The following APAF1 variants were observed in gnomAD, a reference collection of about 807,000 sequenced individuals.
APAF1 encodes apoptotic peptidase activating factor 1, also known as apoptotic protease-activating factor 1.
Under a neutral mutation model 152.4 loss-of-function variants are expected in APAF1, and 91 were observed. That is an observed-to-expected ratio of 0.60 (90% CI 0.50 to 0.71). APAF1 has a LOEUF of 0.71. Among genes scored for constraint, APAF1 ranks in the 30% least tolerant of loss-of-function variants. The probability of loss-of-function intolerance (pLI) is 0.00; values close to 1 mark genes in which losing one functional copy is unlikely to be tolerated. For synonymous variants in APAF1, 484 were observed against 494.1 expected (o/e 0.98, Z 0.27); for missense variants, 1,283 against 1,472.0 (o/e 0.87, Z 2.10).
intron 7 of APAF1, among the ~76,000 whole-genome samples, chr12:98,665,278 A>ATATATATATATATTT (rs1491316422): frequency 1.8e-4 from 12 of 65,988 alleles, no homozygotes; most frequent in African/African-American, 6.8e-4. Context: ...ATATATATAT[A>ATATATATATATATTT]TTTTTTTTTT....
chr12:98,648,962 AT>A, intron 3 of APAF1, 147 bp downstream of exon 3: 2 of 870,574 alleles, frequency 2.3e-6, no homozygotes, highest in South Asian at 2.8e-5. Flanking sequence ...CAATTTAAAT[AT>A]TTTTTATTTG....
chr12:98,705,588 T>C (rs2097720528), intron 18 of APAF1, among the ~76,000 whole-genome samples: 1 of 152,200 alleles, frequency 6.6e-6, no homozygotes, highest in Non-Finnish European at 1.5e-5. Flanking sequence ...ATTTAAAGTG[T>C]AATGAGAGGA....
chr12:98,689,569 C>T (rs1472075183), intron 16 of APAF1, among the ~76,000 whole-genome samples: 1 of 152,012 alleles, frequency 6.6e-6, no homozygotes, highest in African/African-American at 2.4e-5. Context: ...AAGTGATCCT[C>T]CTGCCTCAAC....
At chr12:98,665,979 A>G in intron 8 of APAF1, among the ~76,000 whole-genome samples, 188 bp downstream of exon 8, 1 of 152,106 alleles carries the variant, frequency 6.6e-6, no homozygotes, top group Non-Finnish European at 1.5e-5. Flanking sequence ...TCAGGAGTTA[A>G]CCTATTTCTG....
chr12:98,662,473 A>G lies in APAF1; in HGVS notation c.728A>G (p.Asp243Gly). Residue 243 changes from aspartate (D) to glycine (G), a missense_variant, in exon 6 of 27, where the codon GAT becomes GGT. By Grantham distance (94) the Asp-to-Gly change is moderately conservative. Coordinates refer to ENST00000551964, the MANE Select transcript of APAF1 (RefSeq NM_181861.2). ...RKHPRSLLIL[D>G]DVWDSWVLKA... ...TAAATTAGGTCTCTCTTGATCTTGG[A>G]TGATGTTTGGGACTCTTGGGTGTTG... 1.2e-6 allele frequency: 2 copies of G among 1,612,714 alleles called. No individual in the cohort carries two copies. Among genetic ancestry groups the G allele is most frequent in the Non-Finnish European group, 1.7e-6 (2 of 1,179,032 alleles).
intron 12 of APAF1, among the ~76,000 whole-genome samples, chr12:98,672,081 A>G (rs527708627): frequency 6.6e-6 from 1 of 152,310 alleles, no homozygotes; most frequent in Admixed American, 6.5e-5. Flanking sequence ...ACTTTGAACA[A>G]GTTACAGGTT....
chr12:98,718,170 A>G (rs529631318), intron 22 of APAF1, among the ~76,000 whole-genome samples: 22 of 152,174 alleles, frequency 1.4e-4, no homozygotes, highest in African/African-American at 5.1e-4. Context: ...CTGTCTGTCT[A>G]CTTTCTTCCT....
At position 98,722,905 on chromosome 12, in the gene APAF1, G is replaced by GTT. The variant is rs527747561; in HGVS notation, c.3085-278_3085-277dup. 1.8e-3 allele frequency among the ~76,000 whole-genome samples: 262 copies of GTT among 146,650 alleles called. 1 individual carries two copies. The highest frequency in any genetic ancestry group is 6.0e-3 in the African/African-American group (243 of 40,208). Reference sequence around the variant, plus strand: ...TGGTGAGCTCACTGGCATATTGTGTGTTTTTTTTTTTCTATCTTCTGGTAT... The same window carrying GTT: ...TGGTGAGCTCACTGGCATATTGTGTGTTTTTTTTTTTTTCTATCTTCTGGTAT... On this transcript the variant is annotated intron_variant, in intron 22 of 26. Coordinates refer to ENST00000551964, the MANE Select transcript of APAF1 (RefSeq NM_181861.2).
At chr12:98,704,333 T>A (rs915410916) in intron 18 of APAF1, among the ~76,000 whole-genome samples, 1 of 152,222 alleles carries the variant, frequency 6.6e-6, no homozygotes, top group Non-Finnish European at 1.5e-5. Context: ...CACCAGGTAG[T>A]TTGAAACCCC....
intron 4 of APAF1, among the ~76,000 whole-genome samples, chr12:98,652,763 A>G (rs936545759): frequency 5.3e-5 from 8 of 151,994 alleles, no homozygotes; most frequent in African/African-American, 1.7e-4. Context: ...AGTAGCTGGG[A>G]TTACAGGCAC....
chr12:98,663,224 A>G (rs2097667827), intron 7 of APAF1, among the ~76,000 whole-genome samples: 1 of 152,192 alleles, frequency 6.6e-6, no homozygotes, highest in South Asian at 2.1e-4. Flanking sequence ...TTTATTGAAT[A>G]CGTTTTAAGA....
At chr12:98,704,297 G>A (rs1433770713) in intron 18 of APAF1, among the ~76,000 whole-genome samples, 1 of 152,096 alleles carries the variant, frequency 6.6e-6, no homozygotes, top group Non-Finnish European at 1.5e-5. Context: ...GGCTTTCTTA[G>A]TCTTCATTCC....
chr12:98,686,681 A>G lies in APAF1; in HGVS notation c.2179-67A>G, dbSNP rs2097698351. 7 of 1,481,748 alleles carry G rather than the reference A, an allele frequency of 4.7e-6. No homozygotes were observed. In the East Asian group the frequency reaches 1.4e-4, roughly 29 times the overall value. 91.8% of individuals were successfully genotyped at this position (1,481,748 alleles called of 1,614,324 possible). On this transcript the variant is annotated intron_variant, in intron 15 of 26. Transcript: ENST00000551964. Reference sequence around the variant, plus strand: ...TAAATGAGAGAAAAGGAAGAACTTCACATGATTTCTGATGTTTCCCCACTC... The same window carrying G: ...TAAATGAGAGAAAAGGAAGAACTTCGCATGATTTCTGATGTTTCCCCACTC...
At chr12:98,702,840 T>C (rs2097717080) in intron 17 of APAF1, among the ~76,000 whole-genome samples, 1 of 119,254 alleles carries the variant, frequency 8.4e-6, no homozygotes, top group African/African-American at 3.7e-5. Context: ...GAAGTCTGTC[T>C]CAAAAAAAAA....
At chr12:98,689,435 TGAGAGAGAGAGAGAGAGA>T (rs10562439) in intron 16 of APAF1, among the ~76,000 whole-genome samples, 1 of 147,334 alleles carries the variant, frequency 6.8e-6, no homozygotes, top group African/African-American at 2.5e-5. Context: ...TGTGTGAGGG[TGAGAGAGAGAGAGAGAGA>T]GAGAGAGAGA....
intron 25 of APAF1, 41 bp from the exon 26 acceptor site, chr12:98,727,132 T>C: frequency 6.2e-7 from 1 of 1,603,174 alleles, no homozygotes. Flanking sequence ...GAGAAGCTTC[T>C]GGATAACTCT....
Position 98,723,246 on chromosome 12 carries a change from A to G in APAF1, c.3138A>G (p.Thr1046=). 1 of 1,613,454 alleles carries G rather than the reference A, an allele frequency of 6.2e-7. No individual in the cohort carries two copies. Among genetic ancestry groups the G allele is most frequent in the East Asian group, 2.2e-5 (1 of 44,832 alleles). Residue 1046 remains threonine (T), a synonymous_variant, in exon 23 of 27, where the codon ACA becomes ACG. Transcript: ENST00000551964. The stretch of plus-strand genomic sequence containing the variant: ...TCTTTCTACGAGGCCATCAGGAAAC[A>G]GTGAAAGACTTTAGACTCTTGAAAA... ...KCIFLRGHQE[T]VKDFRLLKNS...
At chr12:98,678,569 TC>T (rs1347237873) in intron 13 of APAF1, among the ~76,000 whole-genome samples, 3 of 152,222 alleles carry the variant, frequency 2.0e-5, no homozygotes, top group Non-Finnish European at 4.4e-5. Context: ...GGCCTCCGGC[TC>T]CACAGAGCAG....
intron 4 of APAF1, among the ~76,000 whole-genome samples, chr12:98,652,046 C>T (rs142416419): frequency 1.5e-3 from 228 of 152,258 alleles, no homozygotes; most frequent in African/African-American, 5.0e-3. Context: ...AACTCCTGAG[C>T]TCAAGCAATT....
Sources: allele counts gnomAD v4.1 joint callset (sites outside exome capture counted in the v4.1 genomes callset), GRCh38; gene constraint gnomAD v4.1.1; transcripts MANE v1.5; gene names NCBI Gene and HGNC (gene_info 2026-07-23, HGNC 2026-07-21).